The following AUTS2 variants were observed in gnomAD, a reference collection of about 807,000 sequenced individuals.
AUTS2 encodes activator of transcription and developmental regulator AUTS2.
In AUTS2, 17 loss-of-function variants were observed where a neutral mutation model predicts 112.4. The ratio of observed to expected loss-of-function variants is 0.15; its 90% confidence interval spans 0.10 to 0.23. The LOEUF is 0.23. AUTS2 is among the 10% of genes least tolerant of loss of function. The pLI, the probability that AUTS2 is intolerant of heterozygous loss-of-function variation, is 1.00. For synonymous variants in AUTS2, 751 were observed against 702.7 expected (o/e 1.07, Z -1.09); for missense variants, 1,510 against 1,701.6 (o/e 0.89, Z 1.98).
At chr7:70,659,684 A>G (rs1806966620) in intron 5 of AUTS2, among the ~76,000 whole-genome samples, 1 of 152,242 alleles carries the variant, frequency 6.6e-6, no homozygotes, top group African/African-American at 2.4e-5. Flanking sequence ...AAAAGAGATC[A>G]GAGTCCCTGC....
At chr7:70,211,522 G>A (rs1250925585) in intron 4 of AUTS2, among the ~76,000 whole-genome samples, 4 of 151,484 alleles carry the variant, frequency 2.6e-5, no homozygotes, top group Non-Finnish European at 5.9e-5. Context: ...GGTGGTGGGC[G>A]CCTGTAGTCC....
At chr7:70,186,869 A>T (rs902506125) in intron 4 of AUTS2, among the ~76,000 whole-genome samples, 1 of 152,198 alleles carries the variant, frequency 6.6e-6, no homozygotes, top group East Asian at 1.9e-4. Context: ...GTGCCCAGCC[A>T]ATATGTGTAA....
chr7:70,713,169 A>G (rs545014425), intron 6 of AUTS2, among the ~76,000 whole-genome samples: 2 of 152,324 alleles, frequency 1.3e-5, no homozygotes, highest in East Asian at 3.9e-4. Flanking sequence ...AAACTGTTCC[A>G]TCGAGTTCCT....
chr7:70,396,128 T>G (rs1355367336), intron 4 of AUTS2, among the ~76,000 whole-genome samples: 1 of 152,200 alleles, frequency 6.6e-6, no homozygotes, highest in African/African-American at 2.4e-5. Context: ...TACCCACTCA[T>G]GACACCATCA....
At chr7:69,716,319 C>T (rs1798610132) in intron 1 of AUTS2, among the ~76,000 whole-genome samples, 1 of 151,700 alleles carries the variant, frequency 6.6e-6, no homozygotes, top group Admixed American at 6.6e-5. Context: ...TTTTTTCACA[C>T]CGCATTCCAC....
intron 2 of AUTS2, among the ~76,000 whole-genome samples, chr7:69,962,636 G>C (rs973758003): frequency 3.9e-5 from 6 of 152,032 alleles, no homozygotes. Flanking sequence ...GGTCAGGGGA[G>C]GCTTTTGTAA....
chr7:70,728,707 CAAAAAAAAA>C (rs55878540), intron 6 of AUTS2, among the ~76,000 whole-genome samples: 5 of 81,622 alleles, frequency 6.1e-5, no homozygotes, highest in Non-Finnish European at 1.2e-4. Flanking sequence ...GACTCTGTCT[CAAAAAAAAA>C]AAAAAAAAAA....
chr7:70,298,055 G>A (rs975576407), intron 4 of AUTS2, among the ~76,000 whole-genome samples: 3 of 151,402 alleles, frequency 2.0e-5, no homozygotes, highest in Non-Finnish European at 2.9e-5. Context: ...TTTTTGAGAC[G>A]GAATCTCACT....
intron 5 of AUTS2, among the ~76,000 whole-genome samples, chr7:70,488,960 G>C (rs1041788876): frequency 6.6e-6 from 1 of 152,100 alleles, no homozygotes; most frequent in African/African-American, 2.4e-5. Context: ...TCTTCACCAA[G>C]CACTAGAAGA....
At chr7:70,660,878 T>G (rs1374880599) in intron 5 of AUTS2, among the ~76,000 whole-genome samples, 2 of 152,190 alleles carry the variant, frequency 1.3e-5, no homozygotes, top group African/African-American at 4.8e-5. Flanking sequence ...ACTAAAGGCC[T>G]ACTATGTGCC....
At chr7:70,169,621 T>C (rs1376989408) in intron 4 of AUTS2, among the ~76,000 whole-genome samples, 1 of 152,142 alleles carries the variant, frequency 6.6e-6, no homozygotes, top group East Asian at 1.9e-4. Flanking sequence ...GAAGACTTCA[T>C]GGTCATGAAT....
intron 5 of AUTS2, among the ~76,000 whole-genome samples, chr7:70,603,489 C>T (rs1343700503): frequency 6.6e-6 from 1 of 152,182 alleles, no homozygotes; most frequent in Non-Finnish European, 1.5e-5. Context: ...GGCACCCTGG[C>T]CTCTGTGCTG....
chr7:70,235,178 G>T (rs955049275), intron 4 of AUTS2, among the ~76,000 whole-genome samples: 1 of 152,046 alleles, frequency 6.6e-6, no homozygotes, highest in Admixed American at 6.6e-5. Flanking sequence ...GTCTCACCCA[G>T]CCTAGAGTGT....
intron 1 of AUTS2, among the ~76,000 whole-genome samples, chr7:69,615,428 G>A (rs542268862): frequency 3.3e-5 from 5 of 151,896 alleles, no homozygotes; most frequent in African/African-American, 7.2e-5. Context: ...TCAGCCTCCC[G>A]AGTAGCTGGG....
intron 1 of AUTS2, among the ~76,000 whole-genome samples, chr7:69,842,624 G>T (rs1422057981): frequency 1.3e-5 from 2 of 152,184 alleles, no homozygotes. Flanking sequence ...AGTTTACTTT[G>T]TTCAAACTCT....
At chr7:70,517,145 A>G (rs181323119) in intron 5 of AUTS2, among the ~76,000 whole-genome samples, 111 of 152,314 alleles carry the variant, frequency 7.3e-4, no homozygotes, top group African/African-American at 2.1e-3. Flanking sequence ...TTGTTTTCTT[A>G]TAACAAGTAT....
At chr7:70,753,828 T>A (rs1017422054) in intron 6 of AUTS2, among the ~76,000 whole-genome samples, 2 of 152,164 alleles carry the variant, frequency 1.3e-5, no homozygotes, top group African/African-American at 4.8e-5. Flanking sequence ...GAGATTTTGT[T>A]TGAGGCAACA....
At chr7:70,784,807 A>G (rs1791335976) in intron 15 of AUTS2, 135 bp from the exon 16 acceptor site, 2 of 555,808 alleles carry the variant, frequency 3.6e-6, no homozygotes, top group South Asian at 4.0e-5. Context: ...TCTTGCCTGC[A>G]GGGGCCTGGG....
At chr7:70,078,638 A>AG (rs1343893393) in intron 2 of AUTS2, among the ~76,000 whole-genome samples, 1 of 152,218 alleles carries the variant, frequency 6.6e-6, no homozygotes, top group Non-Finnish European at 1.5e-5. Flanking sequence ...ATAGAATAAA[A>AG]GAAGGGCAAA....
Sources: allele counts gnomAD v4.1 joint callset (sites outside exome capture counted in the v4.1 genomes callset), GRCh38; gene constraint gnomAD v4.1.1; transcripts MANE v1.5; gene names NCBI Gene and HGNC (gene_info 2026-07-23, HGNC 2026-07-21).